TBC1D1: variants seen among roughly 807,000 people sequenced by gnomAD.
The protein encoded by TBC1D1 is TBC1 (tre-2/USP6, BUB2, cdc16) domain family, member 1.
A neutral mutation model predicts 125.6 loss-of-function variants in TBC1D1; 89 were observed. The ratio of observed to expected loss-of-function variants is 0.71; its 90% CI spans 0.60 to 0.85. TBC1D1 has a LOEUF of 0.85. Ranked by LOEUF, TBC1D1 falls within the 40% of genes least tolerant of loss-of-function variation. The pLI is 0.00. For synonymous variants in TBC1D1, 565 were observed against 564.1 expected, an observed-to-expected ratio of 1.00 and a Z score of -0.02; for missense variants, 1,377 against 1,469.2, an observed-to-expected ratio of 0.94 and a Z score of 1.03.
chr4:37,939,502 G>A (rs1228501384), intron 2 of TBC1D1, among the ~76,000 whole-genome samples: 1 of 152,102 alleles, frequency 6.6e-6, no homozygotes, highest in Non-Finnish European at 1.5e-5. Context: ...AGTTTCTTTT[G>A]CTGTGCAGAA....
At chr4:38,002,294 C>A (rs1739235327) in intron 2 of TBC1D1, among the ~76,000 whole-genome samples, 1 of 152,148 alleles carries the variant, frequency 6.6e-6, no homozygotes, top group African/African-American at 2.4e-5. Flanking sequence ...TAAGCAGTTC[C>A]CATCCAAAAA....
intron 12 of TBC1D1, among the ~76,000 whole-genome samples, chr4:38,078,986 G>A (rs1756078962): frequency 1.3e-5 from 2 of 152,142 alleles, no homozygotes; most frequent in African/African-American, 4.8e-5. Flanking sequence ...TTTTCACCAT[G>A]TCTCAGTAGA....
intron 2 of TBC1D1, among the ~76,000 whole-genome samples, chr4:37,940,973 G>T (rs922628683): frequency 6.6e-6 from 1 of 152,138 alleles, no homozygotes; most frequent in African/African-American, 2.4e-5. Flanking sequence ...AGGGATATTG[G>T]TTTATAATTC....
At chr4:37,902,867 T>C (rs916441305) in intron 2 of TBC1D1, among the ~76,000 whole-genome samples, 1 of 152,244 alleles carries the variant, frequency 6.6e-6, no homozygotes, top group Non-Finnish European at 1.5e-5. Context: ...CTTGTTAAAA[T>C]GTGAATCTTG....
At chr4:38,079,386 T>C (rs1198026521) in intron 12 of TBC1D1, among the ~76,000 whole-genome samples, 3 of 152,218 alleles carry the variant, frequency 2.0e-5, no homozygotes, top group African/African-American at 4.8e-5. Flanking sequence ...CTTTGAACTT[T>C]GCCTTTGACA....
chr4:38,133,256 A>T lies in TBC1D1; in HGVS notation c.3305A>T (p.Gln1102Leu). 1.2e-6 allele frequency: 2 copies of T among 1,610,112 alleles called. No individual in the cohort carries two copies. Among genetic ancestry groups the T allele is most frequent in the Non-Finnish European group, 1.7e-6 (2 of 1,178,790 alleles). The change falls in exon 19 of 20, where the codon CAG (glutamine) becomes CTG (leucine). Residue 1102 changes from glutamine to leucine, a missense_variant and splice_region_variant. Coordinates refer to ENST00000261439, the MANE Select transcript of TBC1D1 (RefSeq NM_015173.4). The stretch of plus-strand genomic sequence containing the variant: ...AACCTTGACCTCCTTGAACAGTTGC[A>T]GGTAGAGCATATTTATAAAGCAGCT...
chr4:38,026,866 G>A (rs6531602), intron 6 of TBC1D1, among the ~76,000 whole-genome samples: 6,794 of 152,186 alleles, frequency 0.045, 434 homozygotes, highest in African/African-American at 0.14. Flanking sequence ...TTAATTAAAT[G>A]TAATGTTAAT....
At chr4:38,067,828 C>T (rs924757264) in intron 12 of TBC1D1, among the ~76,000 whole-genome samples, 1 of 152,208 alleles carries the variant, frequency 6.6e-6, no homozygotes, top group Non-Finnish European at 1.5e-5. Flanking sequence ...TTTCCATTCA[C>T]TTGTGGGTGG....
intron 12 of TBC1D1, among the ~76,000 whole-genome samples, chr4:38,074,764 CTTT>C (rs10581033): frequency 1.1e-4 from 16 of 142,634 alleles, no homozygotes; most frequent in Admixed American, 3.5e-4. Context: ...GTCTCTCTCT[CTTT>C]TTTTTTTTTT....
intron 8 of TBC1D1, among the ~76,000 whole-genome samples, chr4:38,035,923 A>C (rs909167213): frequency 2.6e-5 from 4 of 152,224 alleles, no homozygotes; most frequent in Non-Finnish European, 1.5e-5. Context: ...AGTTGCTCTA[A>C]TAAGAGGACT....
chr4:38,101,785 A>G (rs141370377), intron 14 of TBC1D1, among the ~76,000 whole-genome samples: 55 of 152,252 alleles, frequency 3.6e-4, no homozygotes, highest in African/African-American at 1.2e-3. Flanking sequence ...CTTGCCGTCA[A>G]TTTTGCCTCT....
intron 2 of TBC1D1, among the ~76,000 whole-genome samples, chr4:37,999,400 G>A (rs975374723): frequency 2.6e-5 from 4 of 152,180 alleles, no homozygotes; most frequent in African/African-American, 9.7e-5. Context: ...GTTACATTAT[G>A]AATTTTACAC....
At chr4:37,970,622 C>G (rs989295248) in intron 2 of TBC1D1, among the ~76,000 whole-genome samples, 1 of 152,248 alleles carries the variant, frequency 6.6e-6, no homozygotes, top group Non-Finnish European at 1.5e-5. Context: ...AAAATAACTT[C>G]AGGCTTTTGT....
intron 18 of TBC1D1, among the ~76,000 whole-genome samples, chr4:38,127,010 T>TA (rs1764763462): frequency 6.6e-6 from 1 of 152,106 alleles, no homozygotes; most frequent in Admixed American, 6.5e-5. Context: ...ATTCTCTTCT[T>TA]ACAGCTTTTG....
intron 2 of TBC1D1, among the ~76,000 whole-genome samples, chr4:37,919,878 C>T (rs1353110669): frequency 2.0e-5 from 3 of 152,006 alleles, no homozygotes; most frequent in Admixed American, 6.6e-5. Flanking sequence ...TTTGGGAGGC[C>T]GAGGGGGGCG....
rs1201254587 is a variant in TBC1D1, at chr4:38,137,208, A to T, written c.3380A>T (p.Gln1127Leu). The T allele has an allele frequency of 6.2e-7, 1 of 1,613,076 alleles. No individual in the cohort carries two copies. ...CTGAGCAGTGAGAGCAAGCTGAAGCAGGCCATGCTTACCTTAGAACTGGAG... is the reference window on the plus strand; with the variant it reads ...CTGAGCAGTGAGAGCAAGCTGAAGCTGGCCATGCTTACCTTAGAACTGGAG... Residue 1127 changes from glutamine (Q) to leucine (L), a missense_variant, in exon 20 of 20, where the codon CAG (glutamine) becomes CTG (leucine). Gln to Leu is a moderately radical substitution (Grantham distance 113, BLOSUM62 -2). This residue lies in a region of TBC1D1 where 543 missense variants were observed against 613.5 expected (regional missense o/e 0.89). Transcript: ENST00000261439.
intron 2 of TBC1D1, among the ~76,000 whole-genome samples, chr4:37,987,495 T>C (rs1005081254): frequency 6.6e-6 from 1 of 152,240 alleles, no homozygotes; most frequent in Non-Finnish European, 1.5e-5. Context: ...AAAAATATCT[T>C]GTTCCACTGA....
chr4:37,943,515 C>T (rs1367118408), intron 2 of TBC1D1, among the ~76,000 whole-genome samples: 1 of 152,206 alleles, frequency 6.6e-6, no homozygotes, highest in East Asian at 1.9e-4. Flanking sequence ...TCCCGTATTT[C>T]TTGGAGGCTT....
intron 1 of TBC1D1, among the ~76,000 whole-genome samples, chr4:37,891,672 A>C (rs1189952623): frequency 1.8e-5 from 1 of 56,320 alleles, no homozygotes. Context: ...CCCGCCAATT[A>C]TCCTAGCGTG....
Sources: allele counts gnomAD v4.1 joint callset (sites outside exome capture counted in the v4.1 genomes callset), GRCh38; gene constraint gnomAD v4.1.1; regional missense constraint gnomAD v4.1.1; transcripts MANE v1.5; gene names NCBI Gene and HGNC (gene_info 2026-07-23, HGNC 2026-07-21).